Variants in RPS6KA2 observed in about 807,000 individuals in gnomAD.
RPS6KA2 encodes the protein ribosomal protein S6 kinase A2.
Under a neutral mutation model 91.8 loss-of-function variants are expected in RPS6KA2, and 42 were observed. That is an observed-to-expected ratio of 0.46 (90% CI 0.36 to 0.59). RPS6KA2 has a LOEUF of 0.59. Ranked by LOEUF, RPS6KA2 falls within the 20% of genes least tolerant of loss-of-function variation. The pLI, the probability that RPS6KA2 is intolerant of heterozygous loss-of-function variation, is 0.00. For missense variants in RPS6KA2, 798 were observed against 978.5 expected, an observed-to-expected ratio of 0.82 and a Z score of 2.46; for synonymous variants, 414 against 393.6, an observed-to-expected ratio of 1.05 and a Z score of -0.61.
At chr6:166,519,566 T>C (rs1029751976) in intron 3 of RPS6KA2, among the ~76,000 whole-genome samples, 2 of 152,198 alleles carry the variant, frequency 1.3e-5, no homozygotes, top group Non-Finnish European at 1.5e-5. Context: ...CCATGTGCTC[T>C]TCACCTGTCA....
At chr6:166,571,310 C>T (rs1784679954) in intron 1 of RPS6KA2, among the ~76,000 whole-genome samples, 1 of 152,328 alleles carries the variant, frequency 6.6e-6, no homozygotes, top group South Asian at 2.1e-4. Flanking sequence ...CTGACACACA[C>T]AACACAGAGA....
At chr6:166,753,748 T>C (rs1777914964) in intron 2 of RPS6KA2, among the ~76,000 whole-genome samples, 1 of 152,216 alleles carries the variant, frequency 6.6e-6, no homozygotes, top group Non-Finnish European at 1.5e-5. Context: ...TTGTGGTTGT[T>C]AAACAGTCAT....
At chr6:166,447,821 C>T (rs754366126) in intron 14 of RPS6KA2, among the ~76,000 whole-genome samples, 9 of 152,148 alleles carry the variant, frequency 5.9e-5, no homozygotes, top group Admixed American at 6.6e-5. Flanking sequence ...GGGAATAAGC[C>T]GGGAGGGTCC....
chr6:166,618,423 G>C (rs1786496305), intron 1 of RPS6KA2, among the ~76,000 whole-genome samples: 1 of 152,196 alleles, frequency 6.6e-6, no homozygotes, highest in Admixed American at 6.5e-5. Context: ...GGAGGCCTGG[G>C]TGTGGAAGGG....
At chr6:166,587,860 G>A (rs1785232928) in intron 1 of RPS6KA2, among the ~76,000 whole-genome samples, 2 of 152,158 alleles carry the variant, frequency 1.3e-5, no homozygotes, top group East Asian at 1.9e-4. Flanking sequence ...GGGACTGTGC[G>A]CTCTCTGCCC....
intron 9 of RPS6KA2, 66 bp from the exon 10 acceptor site, chr6:166,488,987 C>T: frequency 7.3e-7 from 1 of 1,363,440 alleles, no homozygotes; most frequent in East Asian, 2.4e-5. Context: ...AAAGAGGGCC[C>T]CAGTCAGCAT....
At chr6:166,677,501 C>T (rs1288330502) in intron 2 of RPS6KA2, among the ~76,000 whole-genome samples, 2 of 151,938 alleles carry the variant, frequency 1.3e-5, no homozygotes, top group Non-Finnish European at 2.9e-5. Flanking sequence ...GCTGGGACTA[C>T]AGGCATGCAC....
intron 1 of RPS6KA2, among the ~76,000 whole-genome samples, chr6:166,605,463 G>A (rs946948396): frequency 1.3e-5 from 2 of 151,742 alleles, no homozygotes; most frequent in African/African-American, 4.8e-5. Context: ...ATCCAATTAT[G>A]TTATCGGGAT....
Position 166,775,792 on chromosome 6 carries a change from A to G in RPS6KA2, c.123+82408T>C, listed in dbSNP as rs2072643. On this transcript the variant is annotated intron_variant, in intron 2 of 21. Transcript: ENST00000503859. ...ACACATGACGATGCTGTCGACCCAC[A>G]TGCCTGAGCTCTGGGATTCCACGGC... Among the ~76,000 whole-genome samples, 4,831 of 152,284 alleles carry G rather than the reference A, an allele frequency of 0.032. 483 individuals carry two copies. In the East Asian group the frequency reaches 0.38, roughly 12 times the overall value.
chr6:166,817,651 G>A (rs1021274996), intron 2 of RPS6KA2, among the ~76,000 whole-genome samples: 1 of 151,872 alleles, frequency 6.6e-6, no homozygotes, highest in African/African-American at 2.4e-5. Context: ...TGTTACAATT[G>A]TGCATTATTT....
chr6:166,573,758 C>T (rs1041983073), intron 1 of RPS6KA2, among the ~76,000 whole-genome samples: 11 of 152,170 alleles, frequency 7.2e-5, no homozygotes, highest in African/African-American at 2.4e-4. Context: ...CCATTGGCTG[C>T]GTGGTGAAAC....
At chr6:166,801,792 T>C (rs1318457043) in intron 2 of RPS6KA2, among the ~76,000 whole-genome samples, 1 of 152,242 alleles carries the variant, frequency 6.6e-6, no homozygotes, top group African/African-American at 2.4e-5. Flanking sequence ...ACTGCAAAAC[T>C]TCATATTTTG....
intron 12 of RPS6KA2, among the ~76,000 whole-genome samples, chr6:166,453,965 C>T (rs1378423857): frequency 2.0e-5 from 3 of 152,182 alleles, no homozygotes; most frequent in Non-Finnish European, 1.5e-5. Context: ...AGTCAAACAT[C>T]GCATGTTCTC....
Position 166,554,885 on chromosome 6 carries a change from AG to A in RPS6KA2, c.100-16102del, listed in dbSNP as rs1161928919. Among the ~76,000 whole-genome samples, 1 of 152,244 alleles carries A rather than the reference AG, an allele frequency of 6.6e-6. No individual in the cohort carries two copies. Among genetic ancestry groups the A allele is most frequent in the Non-Finnish European group, 1.5e-5 (1 of 68,038 alleles). On this transcript the variant is annotated intron_variant, in intron 1 of 20. Transcript: ENST00000265678. This position sits in a 1 kb window ranked among gnomAD's most constrained non-coding sequence, Gnocchi z 4.3. ...ATGAAAAATGTCTCCAGTTTTACAAAGGTCAATTGGTAATTTACAAAACCTG... is the reference window on the plus strand; with the variant it reads ...ATGAAAAATGTCTCCAGTTTTACAAAGTCAATTGGTAATTTACAAAACCTG...
At chr6:166,683,116 G>A (rs180933874) in intron 2 of RPS6KA2, among the ~76,000 whole-genome samples, 4 of 152,290 alleles carry the variant, frequency 2.6e-5, no homozygotes, top group East Asian at 1.9e-4. Context: ...AGATCCAAGC[G>A]CTGCTCAGGG....
At chr6:166,678,785 C>T (rs1363999623) in intron 2 of RPS6KA2, among the ~76,000 whole-genome samples, 1 of 152,218 alleles carries the variant, frequency 6.6e-6, no homozygotes, top group Non-Finnish European at 1.5e-5. Flanking sequence ...GTCTCGATCC[C>T]CCGCATTTCT....
chr6:166,622,731 A>G lies in RPS6KA2; in HGVS notation c.99+4190T>C, dbSNP rs535218213. ...GGATGAGCAATTAAAATGTCTTTAT[A>G]TGTACAGATAGATGAATTCTGATGA... On this transcript the variant is annotated intron_variant, in intron 1 of 20. Coordinates refer to ENST00000265678, the MANE Select transcript of RPS6KA2 (RefSeq NM_021135.6). Among the ~76,000 whole-genome samples the G allele has an allele frequency of 6.0e-4, 92 of 152,328 alleles. 1 individual carries two copies. The highest frequency in any genetic ancestry group is 2.0e-3 in the African/African-American group (83 of 41,578).
chr6:166,551,773 C>T (rs1393721035), intron 1 of RPS6KA2, among the ~76,000 whole-genome samples: 1 of 152,198 alleles, frequency 6.6e-6, no homozygotes, highest in Non-Finnish European at 1.5e-5. Context: ...CATCCCTGAG[C>T]CTGCAGAATG....
chr6:166,606,484 G>A (rs1562337448), intron 1 of RPS6KA2, among the ~76,000 whole-genome samples: 1 of 151,906 alleles, frequency 6.6e-6, no homozygotes, highest in Non-Finnish European at 1.5e-5. Context: ...AAATTATGGT[G>A]GAATAATATG....
Sources: gnomAD v4.1 joint callset for allele counts (sites outside exome capture counted in the v4.1 genomes callset) on GRCh38, gnomAD v4.1.1 for gene constraint, Gnocchi (gnomAD v3.1) non-coding constraint, MANE v1.5 for transcripts, NCBI Gene and HGNC (gene_info 2026-07-23, HGNC 2026-07-21) for gene names.